CDHR2: variants seen among roughly 807,000 people sequenced by gnomAD.
CDHR2 encodes the protein cadherin related family member 2, also known as cadherin-related family member 2.
Under a neutral mutation model 138.6 loss-of-function variants are expected in CDHR2, and 104 were observed. The ratio of observed to expected loss-of-function variants is 0.75; its 90% CI spans 0.64 to 0.88. The LOEUF (loss-of-function observed/expected upper bound fraction) is 0.88, where lower values mean the gene tolerates loss of function less well. CDHR2 is among the 40% of genes least tolerant of loss of function. The pLI is 0.00. For missense variants in CDHR2, 1,624 were observed against 1,727.6 expected, an observed-to-expected ratio of 0.94 and a Z score of 1.06; for synonymous variants, 755 against 742.8, an observed-to-expected ratio of 1.02 and a Z score of -0.27.
chr5:176,561,739 G>C (rs1475623743), intron 1 of CDHR2, among the ~76,000 whole-genome samples: 2 of 150,552 alleles, frequency 1.3e-5, no homozygotes, highest in Admixed American at 1.3e-4. Context: ...TCCCGGGTTC[G>C]AGCGATTCTC....
chr5:176,595,438 G>C, intron 31 of CDHR2, 94 bp from the exon 32 acceptor site: 1 of 1,364,236 alleles, frequency 7.3e-7, no homozygotes, highest in Admixed American at 2.6e-5. Flanking sequence ...AGGAACCACT[G>C]GTCGTGAGCT....
rs550538361 is a variant in CDHR2, at chr5:176,587,207, G to A, written c.2856+365G>A. Among the ~76,000 whole-genome samples the A allele has an allele frequency of 3.3e-5, 5 of 152,298 alleles. No homozygotes were observed. The East Asian group carries it at 9.7e-4, about 29-fold the overall frequency. On this transcript the variant is annotated intron_variant, in intron 21 of 31. Coordinates refer to ENST00000261944, the MANE Select transcript of CDHR2 (RefSeq NM_017675.6). ...TCAAGCCTGTAATCCCAGCACTTTG[G>A]GAGGCCAAGGCAGGTGGATCACCTG... is the stretch of plus-strand genomic sequence containing the variant.
chr5:176,582,326 G>A, intron 17 of CDHR2, among the ~76,000 whole-genome samples: 1 of 152,060 alleles, frequency 6.6e-6, no homozygotes, highest in East Asian at 1.9e-4. Context: ...GGCTAATTTG[G>A]CTAATTTTTA....
intron 1 of CDHR2, among the ~76,000 whole-genome samples, chr5:176,558,119 C>G (rs1318416234): frequency 2.0e-5 from 3 of 152,200 alleles, no homozygotes; most frequent in African/African-American, 7.2e-5. Context: ...ACGGGACCCC[C>G]TGAGCCACTG....
chr5:176,576,207 T>C lies in CDHR2; in HGVS notation c.1194+22T>C. 1 of 1,230,826 alleles carries C rather than the reference T, an allele frequency of 8.1e-7. No homozygotes were observed. The highest frequency in any genetic ancestry group is 2.0e-4 in the Middle Eastern group (1 of 4,900). The allele number at this position is 1,230,826 out of a possible 1,614,324, so 76.2% of individuals were successfully genotyped here. A position where few individuals can be genotyped will look rare whatever the true frequency, so the allele number is the denominator to read the frequency against. ...CAAGGCAGGCGTGGTGGCGTGGGTG[T>C]GGGCGGGGGTGGCTGGGGGAGGCCA... is the stretch of plus-strand genomic sequence containing the variant. On this transcript the variant is annotated intron_variant, in intron 12 of 31. Transcript: ENST00000261944. The surrounding 1 kb of genome is among the most constrained non-coding windows in gnomAD (Gnocchi z 4.5).
intron 19 of CDHR2, among the ~76,000 whole-genome samples, chr5:176,585,439 C>T (rs531287954): frequency 6.6e-6 from 1 of 152,332 alleles, no homozygotes; most frequent in South Asian, 2.1e-4. Context: ...ACACCAGGCA[C>T]CTTGTAAGAA....
At chr5:176,569,959 C>CAACAA (rs781346188) in intron 5 of CDHR2, among the ~76,000 whole-genome samples, 5 of 141,634 alleles carry the variant, frequency 3.5e-5, no homozygotes, top group Non-Finnish European at 7.7e-5. Context: ...GACTCCGTCT[C>CAACAA]AAAAAAAAAA....
At position 176,584,658 on chromosome 5, in the gene CDHR2, G is replaced by C. The variant is rs1295058688; in HGVS notation, c.2377G>C (p.Asp793His). ...PDPQGGETIV[D>H]VCVNVKDVND... Reference sequence around the variant, plus strand: ...CCCCCAGGGGGGTGAGACCATAGTAGACGTCTGCGTGAATGTGAAAGACGT... The same window carrying C: ...CCCCCAGGGGGGTGAGACCATAGTACACGTCTGCGTGAATGTGAAAGACGT... The change falls in exon 19 of 32, where the codon GAC becomes CAC. Residue 793 changes from aspartate to histidine, a missense_variant. By Grantham distance (81) the Asp-to-His change is moderately conservative (BLOSUM62 -1). Around this residue, in one of 3 missense-constraint regions of CDHR2, gnomAD observed 1,061 missense variants for 1,136.6 expected, o/e 0.93. Coordinates refer to ENST00000261944, the MANE Select transcript of CDHR2 (RefSeq NM_017675.6). 2 of 1,614,036 alleles carry C rather than the reference G, an allele frequency of 1.2e-6. No homozygotes were observed. Among genetic ancestry groups the C allele is most frequent in the Non-Finnish European group, 1.7e-6 (2 of 1,179,972 alleles).
chr5:176,595,599 G>A lies in CDHR2; in HGVS notation c.3860G>A (p.Arg1287Gln), dbSNP rs1042539684. 11 of 1,612,822 alleles carry A rather than the reference G, an allele frequency of 6.8e-6. No homozygotes were observed. In the East Asian group the frequency reaches 1.1e-4, roughly 16 times the overall value. Residue 1287 changes from arginine (R) to glutamine (Q), a missense_variant, in exon 32 of 32, where the codon CGG becomes CAG. By Grantham distance (43) the Arg-to-Gln change is conservative. Coordinates refer to ENST00000261944, the MANE Select transcript of CDHR2 (RefSeq NM_017675.6). ...PEPLSVVLLG[R>Q]QAGASGQLEG... ...CCCCTGAGCGTGGTCCTGTTAGGAC[G>A]GCAGGCAGGCGCAAGTGGACAGCTG... is the stretch of plus-strand genomic sequence containing the variant.
chr5:176,576,153 G>GACCT lies in CDHR2; in HGVS notation c.1163_1166dup (p.Thr390ProfsTer83). 6.2e-7 allele frequency: 1 copy of GACCT among 1,613,366 alleles called. No individual in the cohort carries two copies. The highest frequency in any genetic ancestry group is 8.5e-7 in the Non-Finnish European group (1 of 1,179,964). On this transcript the variant is annotated frameshift_variant, in exon 12 of 32. Coordinates refer to ENST00000261944, the MANE Select transcript of CDHR2 (RefSeq NM_017675.6). LOFTEE classifies it high-confidence loss of function. This position sits in a 1 kb window ranked among gnomAD's most constrained non-coding sequence, Gnocchi z 4.5. ...TGCCTCCCCCCGCATCCCCATCGAT[G>GACCT]ACCTCACCATGGTGGTCTACGACCC...
intron 7 of CDHR2, among the ~76,000 whole-genome samples, chr5:176,574,384 C>T (rs529270919): frequency 6.6e-6 from 1 of 152,342 alleles, no homozygotes; most frequent in Non-Finnish European, 1.5e-5. Flanking sequence ...AGACCAGACC[C>T]TTCTTCCTGC....
At chr5:176,593,019 T>C (rs1185520273) in intron 31 of CDHR2, among the ~76,000 whole-genome samples, 1 of 152,148 alleles carries the variant, frequency 6.6e-6, no homozygotes, top group East Asian at 1.9e-4. Context: ...TAAATGGGGA[T>C]GGGAACATCA....
At chr5:176,565,565 C>A in intron 2 of CDHR2, 107 bp from the exon 3 acceptor site, 1 of 1,243,624 alleles carries the variant, frequency 8.0e-7, no homozygotes, top group Non-Finnish European at 1.2e-6. Context: ...CAGGCCTGGA[C>A]GGGTGGCCTG....
Position 176,590,156 on chromosome 5 carries a change from CA to C in CDHR2, c.3275+11del. 1 of 1,613,406 alleles carries C rather than the reference CA, an allele frequency of 6.2e-7. No homozygotes were observed. The highest frequency in any genetic ancestry group is 8.5e-7 in the Non-Finnish European group (1 of 1,179,638). On this transcript the variant is annotated intron_variant, in intron 25 of 31. Transcript: ENST00000261944. ...TAGATTCTGCAGCTCGGTGAGTGCC[CA>C]GAGGCCTGGGGGTGGGGTTGAGGGG...
At chr5:176,569,883 C>G (rs1472977864) in intron 5 of CDHR2, among the ~76,000 whole-genome samples, 1 of 151,708 alleles carries the variant, frequency 6.6e-6, no homozygotes, top group Non-Finnish European at 1.5e-5. Flanking sequence ...TCGCTTGAAC[C>G]CGGGAGGTGG....
chr5:176,567,173 T>TTC (rs1758104377), intron 3 of CDHR2: 2 of 61,582 alleles, frequency 3.2e-5, no homozygotes, highest in Admixed American at 6.7e-4. Flanking sequence ...TGCACAGGAC[T>TTC]TTTTTTTTTT....
chr5:176,562,254 G>T (rs534245762), intron 1 of CDHR2, among the ~76,000 whole-genome samples: 2 of 152,266 alleles, frequency 1.3e-5, no homozygotes, highest in South Asian at 4.1e-4. Flanking sequence ...TAGAGAGGCT[G>T]GAGGAAGGGA....
Position 176,543,101 on chromosome 5 carries a change from G to C in CDHR2, c.-16+332G>C, listed in dbSNP as rs998870667. On this transcript the variant is annotated intron_variant, in intron 1 of 31. Coordinates refer to the CDHR2 transcript ENST00000510636. This position sits in a 1 kb window ranked among gnomAD's most constrained non-coding sequence, Gnocchi z 4.0. The stretch of plus-strand genomic sequence containing the variant: ...GAAGAGCGGCGCAGCTCCCGCTGCC[G>C]GGCCCGGGACTGCGAGCTCCCGCCG... 6.6e-6 allele frequency among the ~76,000 whole-genome samples: 1 copy of C among 151,554 alleles called. No homozygotes were observed. The highest frequency in any genetic ancestry group is 6.6e-5 in the Admixed American group (1 of 15,252).
Position 176,578,054 on chromosome 5 carries a change from C to T in CDHR2, c.1533C>T (p.Gly511=), listed in dbSNP as rs753478734. 1.2e-5 allele frequency: 20 copies of T among 1,612,386 alleles called. No individual in the cohort carries two copies. The Admixed American group carries it at 1.8e-4, about 15-fold the overall frequency. ...CACAGGCCACGGACCCAGACACGGG[C>T]GCGTGGGGCCAAATTACCTACAGCC... ...DSIHATDPDT[G]AWGQITYSLL... Residue 511 remains glycine (G), a synonymous_variant, in exon 15 of 32, where the codon GGC becomes GGT. Transcript: ENST00000261944.
Sources: gnomAD v4.1 joint callset for allele counts (sites outside exome capture counted in the v4.1 genomes callset) on GRCh38, gnomAD v4.1.1 for gene constraint, gnomAD v4.1.1 regional missense constraint, Gnocchi (gnomAD v3.1) non-coding constraint, MANE v1.5 for transcripts, NCBI Gene and HGNC (gene_info 2026-07-23, HGNC 2026-07-21) for gene names.